The following EME2 variants were observed in gnomAD, a reference collection of about 807,000 sequenced individuals.
EME2 encodes the protein essential meiotic structure-specific endonuclease subunit 2.
Under a neutral mutation model 41.9 loss-of-function variants are expected in EME2, and 58 were observed. The ratio of observed to expected loss-of-function variants is 1.38; its 90% CI spans 1.12 to 1.72. The LOEUF is 1.72. EME2 is among the 40% of genes most tolerant of loss of function. EME2 has a pLI of 0.00. For missense variants in EME2, 695 were observed against 541.9 expected, an observed-to-expected ratio of 1.28 and a Z score of -2.81; for synonymous variants, 334 against 239.3, an observed-to-expected ratio of 1.40 and a Z score of -3.65.
In EME2 at chr16:1,775,928, G is replaced by A. The variant is rs1360783055; in HGVS notation, c.911G>A (p.Ser304Asn). The change falls in exon 7 of 8, where the codon AGC becomes AAC. Residue 304 changes from serine to asparagine, a missense_variant. Coordinates refer to ENST00000568449, the MANE Select transcript of EME2 (RefSeq NM_001257370.2). The stretch of plus-strand genomic sequence containing the variant: ...CAGATCAGGCAGTTCAGTCGGGTCA[G>A]CCCAGCCGTGGCTGATGCAGTTGTC... ...RRQIRQFSRV[S>N]PAVADAVVTA... 6.2e-7 allele frequency: 1 copy of A among 1,611,862 alleles called. No homozygotes were observed. The highest frequency in any genetic ancestry group is 8.5e-7 in the Non-Finnish European group (1 of 1,179,758).
Position 1,781,152 on chromosome 16 carries a change from CT to C in EME2, c.*4915del, listed in dbSNP as rs1567231349. ...AGTGTGTTCTGAGGTCCTGTCACCCCTGAGGCTGTGTGTGTCCTTTGCCAAA... is the reference window on the plus strand; with the variant it reads ...AGTGTGTTCTGAGGTCCTGTCACCCCGAGGCTGTGTGTGTCCTTTGCCAAA... On this transcript the variant is annotated 3_prime_UTR_variant, in exon 8 of 8. Transcript: ENST00000568449. 37 of 1,524,368 alleles carry C rather than the reference CT, an allele frequency of 2.4e-5. 1 individual carries two copies. Among genetic ancestry groups the C allele is most frequent in the Non-Finnish European group, 3.1e-5 (35 of 1,139,522 alleles). 94.4% of individuals were successfully genotyped at this position (1,524,368 alleles called of 1,614,324 possible).
In EME2 at chr16:1,775,143, C is replaced by T. The variant is rs140683565; in HGVS notation, c.569+11C>T. 43 of 1,611,654 alleles carry T rather than the reference C, an allele frequency of 2.7e-5. No homozygotes were observed. The African/African-American group carries it at 5.1e-4, about 19-fold the overall frequency. ...GGATGCCTACCTGTGGTACCGCTCA[C>T]TCTCATGCCCACAGCAGGGCTGGCT... is the stretch of plus-strand genomic sequence containing the variant. On this transcript the variant is annotated intron_variant, in intron 4 of 7. Coordinates refer to ENST00000568449, the MANE Select transcript of EME2 (RefSeq NM_001257370.2).
Position 1,775,997 on chromosome 16 carries a change from GCCT to G in EME2, c.969+17_969+19del, listed in dbSNP as rs2042706672. 1 of 1,607,390 alleles carries G rather than the reference GCCT, an allele frequency of 6.2e-7. No homozygotes were observed. Among genetic ancestry groups the G allele is most frequent in the Non-Finnish European group, 8.5e-7 (1 of 1,178,772 alleles). On this transcript the variant is annotated intron_variant, in intron 7 of 7. Transcript: ENST00000568449. ...CGCCTTCTGCAGCAGGTGGGCCCCT[GCCT>G]CCTCCAAGCCCTCCAGGTGCAGAAG...
chr16:1,775,384 C>T lies in EME2; in HGVS notation c.639C>T (p.Ala213=), dbSNP rs1490772658. ...ESPKVAGAEV[A]VSWPEVEEAL... is the part of the protein sequence containing the mutation. The stretch of plus-strand genomic sequence containing the variant: ...CGAAGGTGGCCGGTGCCGAGGTGGC[C>T]GTCAGCTGGCCGGAGGTGGAAGAGG... The change falls in exon 5 of 8, where the codon GCC becomes GCT. Residue 213 remains alanine, a synonymous_variant. Transcript: ENST00000568449. 9 of 1,612,412 alleles carry T rather than the reference C, an allele frequency of 5.6e-6. No homozygotes were observed. Among genetic ancestry groups the T allele is most frequent in the Admixed American group, 1.7e-5 (1 of 59,990 alleles).
chr16:1,776,022 G>A (rs9929680), intron 7 of EME2, 36 bp downstream of exon 7: 205,334 of 1,605,270 alleles, frequency 0.13, 14,643 homozygotes, highest in East Asian at 0.26. Context: ...TCCAGGTGCA[G>A]AAGCCCCGTC....
chr16:1,775,246 C>T (rs760894238), intron 4 of EME2, 69 bp from the exon 5 acceptor site: 1 of 1,597,024 alleles, frequency 6.3e-7, no homozygotes, highest in Admixed American at 1.7e-5. Flanking sequence ...CAGGTGGGCT[C>T]TGGCAGAGGC....
Position 1,781,210 on chromosome 16 carries a change from G to T in EME2, c.*4972G>T, listed in dbSNP as rs1007203167. 1.9e-6 allele frequency: 3 copies of T among 1,568,868 alleles called. No homozygotes were observed. The Admixed American group carries it at 5.5e-5, about 29-fold the overall frequency. On this transcript the variant is annotated 3_prime_UTR_variant, in exon 8 of 8. Transcript: ENST00000568449. Reference sequence around the variant, plus strand: ...AGTCTTACTGAATGCGGTGCATCCAGGAGACAGGCCCAGGTTTGGACTGGT... The same window carrying T: ...AGTCTTACTGAATGCGGTGCATCCATGAGACAGGCCCAGGTTTGGACTGGT...
Position 1,781,328 on chromosome 16 carries a change from G to C in EME2, c.*5090G>C. 1.2e-6 allele frequency: 2 copies of C among 1,612,864 alleles called. No homozygotes were observed. Among genetic ancestry groups the C allele is most frequent in the Non-Finnish European group, 1.7e-6 (2 of 1,180,000 alleles). On this transcript the variant is annotated 3_prime_UTR_variant, in exon 8 of 8. Transcript: ENST00000568449. ...TAGGGCATCTCCACACCTTAGGCCA[G>C]CCACGTCCGCCTCGCCCGCTGGAAC...
chr16:1,776,321 A>C lies in EME2; in HGVS notation c.*83A>C. On this transcript the variant is annotated 3_prime_UTR_variant, in exon 8 of 8. Transcript: ENST00000568449. ...GCGGTGGGGGAGGACCCCCAGCCAC[A>C]TGTGGACCCTCAGCCTGGGTGGGTT... 1 of 1,413,376 alleles carries C rather than the reference A, an allele frequency of 7.1e-7. No individual in the cohort carries two copies. The highest frequency in any genetic ancestry group is 9.8e-7 in the Non-Finnish European group (1 of 1,024,046). 87.6% of individuals were successfully genotyped at this position (1,413,376 alleles called of 1,614,324 possible).
At chr16:1,773,893 C>T (rs970757175) in intron 2 of EME2, 52 bp downstream of exon 2, 1 of 1,497,366 alleles carries the variant, frequency 6.7e-7, no homozygotes, top group East Asian at 2.5e-5. Flanking sequence ...TGTTTTGCTT[C>T]CATGATTTCA....
In EME2 at chr16:1,778,689, ACCCTGTCCCT is replaced by A; in HGVS notation, c.*2452_*2461del. The A allele has an allele frequency of 2.6e-5, 38 of 1,468,332 alleles. No individual in the cohort carries two copies. Among genetic ancestry groups the A allele is most frequent in the Non-Finnish European group, 3.1e-5 (34 of 1,110,890 alleles). The allele number at this position is 1,468,332 out of a possible 1,614,324, so 91.0% of individuals were successfully genotyped here. A position where few individuals can be genotyped will look rare whatever the true frequency, so the allele number is the denominator to read the frequency against. ...CACCCTTGCCCTCTGTCCCTGTCCC[ACCCTGTCCCT>A]GACCCACCCAGGAAAGGATGGGGGT... On this transcript the variant is annotated 3_prime_UTR_variant, in exon 8 of 8. Coordinates refer to ENST00000568449, the MANE Select transcript of EME2 (RefSeq NM_001257370.2).
At position 1,776,966 on chromosome 16, in the gene EME2, G is replaced by C. The variant is rs113222268; in HGVS notation, c.*728G>C. On this transcript the variant is annotated 3_prime_UTR_variant, in exon 8 of 8. Transcript: ENST00000568449. ...AGGACTGTCCCAGCCTCGGGAGCAA[G>C]AGATGGCTCCCTCCGGACGGGCCTC... The C allele has an allele frequency of 6.0e-4, 631 of 1,050,160 alleles. 6 individuals are homozygous for C. In the African/African-American group the frequency reaches 8.3e-3, roughly 14 times the overall value. The allele number at this position is 1,050,160 out of a possible 1,614,324, so 65.1% of individuals were successfully genotyped here. A position where few individuals can be genotyped will look rare whatever the true frequency, so the allele number is the denominator to read the frequency against.
In EME2 at chr16:1,781,200, G is replaced by T; in HGVS notation, c.*4962G>T. On this transcript the variant is annotated 3_prime_UTR_variant, in exon 8 of 8. Coordinates refer to ENST00000568449, the MANE Select transcript of EME2 (RefSeq NM_001257370.2). ...CAAATTAAAGAGTCTTACTGAATGC[G>T]GTGCATCCAGGAGACAGGCCCAGGT... 1 of 1,556,478 alleles carries T rather than the reference G, an allele frequency of 6.4e-7. No homozygotes were observed. Among genetic ancestry groups the T allele is most frequent in the Non-Finnish European group, 8.6e-7 (1 of 1,157,914 alleles).
rs751652697 is a variant in EME2, at chr16:1,773,746, C to T, written c.289C>T (p.Leu97=). Residue 97 remains leucine, a synonymous_variant, in exon 2 of 8, where the codon CTG becomes TTG. Coordinates refer to ENST00000568449, the MANE Select transcript of EME2 (RefSeq NM_001257370.2). ...DAGADVLMEA[L]EALGCECRIE... Reference sequence around the variant, plus strand: ...CGGTGCCGACGTCCTGATGGAGGCCCTGGAGGCCCTGGGCTGCGAGTGCCG... The same window carrying T: ...CGGTGCCGACGTCCTGATGGAGGCCTTGGAGGCCCTGGGCTGCGAGTGCCG... 1.3e-6 allele frequency: 2 copies of T among 1,549,258 alleles called. No individual in the cohort carries two copies. The highest frequency in any genetic ancestry group is 4.9e-5 in the East Asian group (2 of 41,040).
At position 1,779,592 on chromosome 16, in the gene EME2, C is replaced by T. The variant is rs1896645867; in HGVS notation, c.*3354C>T. 2.0e-5 allele frequency: 3 copies of T among 152,406 alleles called. No individual in the cohort carries two copies. The highest frequency in any genetic ancestry group is 2.0e-4 in the Admixed American group (3 of 15,280). The allele number at this position is 152,406 out of a possible 1,614,324, so 9.4% of individuals were successfully genotyped here. ...GGCAGGCCCAGACAACTCTACCCCA[C>T]TGCCTAGAAGTGCGGGTCCCCAGAG... On this transcript the variant is annotated 3_prime_UTR_variant, in exon 8 of 8. Transcript: ENST00000568449.
Position 1,781,596 on chromosome 16 carries a change from G to C in EME2, c.*5358G>C. ...GACCCACTCAAAGTGGGGACTGCAG[G>C]GGCCGCACCGGTGCCCAGCCAGGGC... On this transcript the variant is annotated 3_prime_UTR_variant, in exon 8 of 8. Transcript: ENST00000568449. 1 of 1,291,510 alleles carries C rather than the reference G, an allele frequency of 7.7e-7. No individual in the cohort carries two copies. The highest frequency in any genetic ancestry group is 1.1e-6 in the Non-Finnish European group (1 of 944,506). The allele number at this position is 1,291,510 out of a possible 1,614,324, so 80.0% of individuals were successfully genotyped here.
rs201038536 is a variant in EME2 at position 1,777,290 on chromosome 16, G to C, written c.*1052G>C. 1 of 1,610,330 alleles carries C rather than the reference G, an allele frequency of 6.2e-7. No individual in the cohort carries two copies. Among genetic ancestry groups the C allele is most frequent in the Non-Finnish European group, 8.5e-7 (1 of 1,179,798 alleles). ...CGGCAGACCCTCCAGCGTGTCTCCC[G>C]AGTCTGGCCGCAGCTGGCGCAGGCG... is the stretch of plus-strand genomic sequence containing the variant. On this transcript the variant is annotated 3_prime_UTR_variant, in exon 8 of 8. Transcript: ENST00000568449.
At position 1,773,268 on chromosome 16, in the gene EME2, AGGGCCGGGGCCG is replaced by A. The variant is rs752446772; in HGVS notation, c.45_56del (p.Arg18_Gly21del). The A allele has an allele frequency of 6.9e-7, 1 of 1,459,252 alleles. No individual in the cohort carries two copies. The highest frequency in any genetic ancestry group is 1.5e-5 in the African/African-American group (1 of 67,878). 90.4% of individuals were successfully genotyped at this position (1,459,252 alleles called of 1,614,324 possible). A position where few individuals can be genotyped will look rare whatever the true frequency, so the allele number is the denominator to read the frequency against. The stretch of plus-strand genomic sequence containing the variant: ...CCCGGGAGGGCGGGGGTCTCTTGCC[AGGGCCGGGGCCG>A]GGGACGGGGCGGGAGCGGTCAGCGG... On this transcript the variant is annotated inframe_deletion, in exon 1 of 8. Coordinates refer to ENST00000568449, the MANE Select transcript of EME2 (RefSeq NM_001257370.2).
Position 1,777,020 on chromosome 16 carries a change from A to G in EME2, c.*782A>G. The G allele has an allele frequency of 1.3e-6, 2 of 1,502,942 alleles. No homozygotes were observed. The highest frequency in any genetic ancestry group is 9.0e-7 in the Non-Finnish European group (1 of 1,109,872). The allele number at this position is 1,502,942 out of a possible 1,614,324, so 93.1% of individuals were successfully genotyped here. A position where few individuals can be genotyped will look rare whatever the true frequency, so the allele number is the denominator to read the frequency against. On this transcript the variant is annotated 3_prime_UTR_variant, in exon 8 of 8. Transcript: ENST00000568449. ...CAACTCCGCCCTGGAGTGTGGCTGG[A>G]AGGAAGGGACAGAGAAAGAAGGGAC...
Sources: gnomAD v4.1 joint callset for allele counts on GRCh38, gnomAD v4.1.1 for gene constraint, MANE v1.5 for transcripts, NCBI Gene and HGNC (gene_info 2026-07-23, HGNC 2026-07-21) for gene names.